HIVEP3: variants seen among roughly 807,000 people sequenced by gnomAD.
HIVEP3 encodes the protein HIVEP zinc finger 3, also known as transcription factor HIVEP3.
In HIVEP3, 49 loss-of-function variants were observed where a neutral mutation model predicts 152.8. The ratio of observed to expected loss-of-function variants is 0.32; its 90% CI spans 0.26 to 0.41. The LOEUF is 0.41. Ranked by LOEUF, HIVEP3 falls within the 10% of genes least tolerant of loss-of-function variation. The probability of loss-of-function intolerance (pLI) is 1.00; values close to 1 mark genes in which losing one functional copy is unlikely to be tolerated. For synonymous variants in HIVEP3, 1,269 were observed against 1,289.0 expected (o/e 0.98, Z 0.33); for missense variants, 2,790 against 3,103.3 (o/e 0.90, Z 2.40).
intron 5 of HIVEP3, among the ~76,000 whole-genome samples, chr1:41,556,372 G>A (rs1056197260): frequency 6.6e-6 from 1 of 152,138 alleles, no homozygotes; most frequent in African/African-American, 2.4e-5. Context: ...TTTCCCTCAT[G>A]ATTAGTGAGG....
intron 1 of HIVEP3, among the ~76,000 whole-genome samples, chr1:41,867,273 G>A (rs1398145114): frequency 6.6e-6 from 1 of 152,172 alleles, no homozygotes; most frequent in African/African-American, 2.4e-5. Flanking sequence ...CCTACAGCAG[G>A]CATTGGCAAG....
chr1:41,620,960 G>A (rs1645038818), intron 3 of HIVEP3, among the ~76,000 whole-genome samples: 1 of 152,208 alleles, frequency 6.6e-6, no homozygotes, highest in Non-Finnish European at 1.5e-5. Context: ...CCCTGAGATT[G>A]GGAGAGGAAG....
chr1:41,724,613 G>A (rs933114362), intron 1 of HIVEP3, among the ~76,000 whole-genome samples: 2 of 152,180 alleles, frequency 1.3e-5, no homozygotes, highest in Non-Finnish European at 2.9e-5. Flanking sequence ...TTCCAACTCT[G>A]AGCTGATGCA....
At chr1:41,793,485 G>A (rs571974301) in intron 1 of HIVEP3, among the ~76,000 whole-genome samples, 1 of 152,308 alleles carries the variant, frequency 6.6e-6, no homozygotes, top group African/African-American at 2.4e-5. Context: ...TATTAGAACA[G>A]GTGGGAGGAG....
intron 1 of HIVEP3, among the ~76,000 whole-genome samples, chr1:41,973,045 T>TACAC: frequency 7.1e-6 from 1 of 141,600 alleles, no homozygotes; most frequent in African/African-American, 3.1e-5. Flanking sequence ...CACATGTGCG[T>TACAC]GCACACACAC....
At chr1:41,869,255 G>A (rs1319555339) in intron 1 of HIVEP3, among the ~76,000 whole-genome samples, 7 of 152,192 alleles carry the variant, frequency 4.6e-5, no homozygotes, top group Admixed American at 2.0e-4. Flanking sequence ...CCCCTCACAC[G>A]GAGAAATCTG....
intron 1 of HIVEP3, among the ~76,000 whole-genome samples, chr1:42,035,629 AGGGGGCCGGCGCCCGGAGGCGTTGG>A (rs1014737199): frequency 2.0e-5 from 3 of 151,424 alleles, no homozygotes; most frequent in Admixed American, 6.6e-5. Flanking sequence ...ACCCCAGCTG[AGGGGGCCGGCGCCCGGAGGCGTTGG>A]GGGGATGGGG....
intron 1 of HIVEP3, among the ~76,000 whole-genome samples, chr1:41,811,668 C>G (rs1354003207): frequency 1.3e-5 from 2 of 151,870 alleles, no homozygotes; most frequent in East Asian, 3.9e-4. Flanking sequence ...TGTGCTGCCA[C>G]CCACTGAGCT....
intron 5 of HIVEP3, among the ~76,000 whole-genome samples, chr1:41,541,421 C>T (rs60443906): frequency 0.014 from 2,150 of 152,282 alleles, 54 homozygotes; most frequent in African/African-American, 0.05. Flanking sequence ...CCATGGCTGC[C>T]CTCCAGTGAC....
At chr1:42,023,128 T>C (rs1323002993) in intron 1 of HIVEP3, among the ~76,000 whole-genome samples, 2 of 152,166 alleles carry the variant, frequency 1.3e-5, no homozygotes, top group African/African-American at 4.8e-5. Flanking sequence ...TGCCTCAGCC[T>C]CCCAAGTAGC....
intron 5 of HIVEP3, among the ~76,000 whole-genome samples, chr1:41,545,302 CT>C (rs1643732306): frequency 1.4e-5 from 2 of 141,798 alleles, no homozygotes; most frequent in Admixed American, 7.0e-5. Flanking sequence ...ATCACCACCT[CT>C]ACCACCATCG....
chr1:41,547,135 C>T (rs969656846), intron 5 of HIVEP3, among the ~76,000 whole-genome samples: 2 of 152,180 alleles, frequency 1.3e-5, no homozygotes, highest in Non-Finnish European at 2.9e-5. Context: ...CTCAGCCACA[C>T]AGCTAGTAGG....
At chr1:41,963,788 A>C (rs1027204950) in intron 1 of HIVEP3, among the ~76,000 whole-genome samples, 9 of 152,324 alleles carry the variant, frequency 5.9e-5, no homozygotes, top group African/African-American at 2.2e-4. Flanking sequence ...GCAGATAACC[A>C]ATGGGACAAG....
At chr1:41,520,231 T>A (rs1642725228) in intron 6 of HIVEP3, among the ~76,000 whole-genome samples, 2 of 152,144 alleles carry the variant, frequency 1.3e-5, no homozygotes, top group Non-Finnish European at 2.9e-5. Flanking sequence ...AAGCTGGGAT[T>A]CCCTGAGGTG....
At chr1:41,589,136 C>T (rs538275945) in intron 3 of HIVEP3, among the ~76,000 whole-genome samples, 1 of 152,334 alleles carries the variant, frequency 6.6e-6, no homozygotes. Context: ...AAAAGAGCCA[C>T]TTTTCCAGGG....
intron 1 of HIVEP3, among the ~76,000 whole-genome samples, chr1:41,842,283 C>T (rs1643310642): frequency 6.6e-6 from 1 of 152,058 alleles, no homozygotes; most frequent in East Asian, 1.9e-4. Context: ...CCAAATTAAA[C>T]CCTTCAGAAT....
chr1:41,586,138 G>A (rs1338859944), intron 3 of HIVEP3, among the ~76,000 whole-genome samples: 2 of 152,192 alleles, frequency 1.3e-5, no homozygotes, highest in African/African-American at 4.8e-5. Context: ...TCAGTGCCCT[G>A]GGGATGCCAT....
intron 1 of HIVEP3, among the ~76,000 whole-genome samples, chr1:41,995,074 G>T (rs1277560434): frequency 6.6e-6 from 1 of 152,152 alleles, no homozygotes; most frequent in Non-Finnish European, 1.5e-5. Flanking sequence ...TAAGAAGGGT[G>T]AGAGAATGGG....
At chr1:41,955,823 T>C (rs190278642) in intron 1 of HIVEP3, among the ~76,000 whole-genome samples, 40 of 152,324 alleles carry the variant, frequency 2.6e-4, no homozygotes, top group Non-Finnish European at 5.3e-4. Context: ...AATACAATCA[T>C]TGTGGGAGAC....
Sources: allele counts gnomAD v4.1 joint callset (sites outside exome capture counted in the v4.1 genomes callset), GRCh38; gene constraint gnomAD v4.1.1; transcripts MANE v1.5; gene names NCBI Gene and HGNC (gene_info 2026-07-23, HGNC 2026-07-21).